GRID1: variants seen among roughly 807,000 people sequenced by gnomAD.
The protein encoded by GRID1 is glutamate ionotropic receptor delta type subunit 1, also known as glutamate receptor ionotropic, delta-1.
GRID1 carries 28 observed loss-of-function variants against 98.0 expected under a neutral mutation model. That is an observed-to-expected ratio of 0.29 (90% CI 0.21 to 0.39). The LOEUF is 0.39. Among genes scored for constraint, GRID1 ranks in the 10% least tolerant of loss-of-function variants. The pLI is 1.00. For synonymous variants in GRID1, 553 were observed against 538.5 expected (o/e 1.03, Z -0.37); for missense variants, 1,111 against 1,340.5 (o/e 0.83, Z 2.67).
chr10:86,274,188 G>A (rs1406324080), intron 2 of GRID1, among the ~76,000 whole-genome samples: 1 of 152,144 alleles, frequency 6.6e-6, no homozygotes, highest in Non-Finnish European at 1.5e-5. Context: ...CCCATTGCTT[G>A]TTTTTCTCAG....
intron 8 of GRID1, among the ~76,000 whole-genome samples, chr10:85,846,726 C>G (rs945021403): frequency 6.6e-6 from 1 of 152,014 alleles, no homozygotes; most frequent in African/African-American, 2.4e-5. Context: ...ATGTCAACAG[C>G]TCAGTATTTT....
At chr10:86,289,147 T>C (rs1847476393) in intron 2 of GRID1, among the ~76,000 whole-genome samples, 1 of 152,170 alleles carries the variant, frequency 6.6e-6, no homozygotes, top group Non-Finnish European at 1.5e-5. Flanking sequence ...CCCCCAGTGC[T>C]GGTTGGGAGA....
intron 2 of GRID1, among the ~76,000 whole-genome samples, chr10:86,213,669 C>T (rs1032902235): frequency 1.3e-5 from 2 of 152,092 alleles, no homozygotes; most frequent in Admixed American, 6.5e-5. Flanking sequence ...CCCCACTGAA[C>T]ACTAAGCCCG....
At chr10:86,034,543 T>C (rs1300631202) in intron 4 of GRID1, among the ~76,000 whole-genome samples, 1 of 152,006 alleles carries the variant, frequency 6.6e-6, no homozygotes, top group Non-Finnish European at 1.5e-5. Context: ...AGAATTCAAA[T>C]CCATTTCTGA....
chr10:85,834,722 C>A (rs991024477), intron 8 of GRID1, among the ~76,000 whole-genome samples: 2 of 152,100 alleles, frequency 1.3e-5, no homozygotes, highest in Non-Finnish European at 2.9e-5. Flanking sequence ...TGATAAGTCA[C>A]ATATGTGTAT....
chr10:86,072,900 A>C (rs754164992), intron 4 of GRID1, among the ~76,000 whole-genome samples: 23 of 152,370 alleles, frequency 1.5e-4, no homozygotes, highest in Non-Finnish European at 5.9e-5. Context: ...GGTGAGATGA[A>C]ATGCTTTTTA....
At chr10:86,014,684 A>G (rs1842959697) in intron 4 of GRID1, among the ~76,000 whole-genome samples, 1 of 152,224 alleles carries the variant, frequency 6.6e-6, no homozygotes, top group Non-Finnish European at 1.5e-5. Context: ...CCATAGCACT[A>G]CAATTACACT....
At chr10:86,215,254 T>C (rs1262211798) in intron 2 of GRID1, among the ~76,000 whole-genome samples, 1 of 152,198 alleles carries the variant, frequency 6.6e-6, no homozygotes, top group Non-Finnish European at 1.5e-5. Context: ...CGAATGGTCC[T>C]GAGGAATGAC....
At chr10:85,817,245 T>C (rs1210360593) in intron 8 of GRID1, among the ~76,000 whole-genome samples, 2 of 152,158 alleles carry the variant, frequency 1.3e-5, no homozygotes, top group Non-Finnish European at 2.9e-5. Flanking sequence ...GGTCGAATGG[T>C]AATTCTGTTT....
At chr10:86,031,825 G>A (rs1843189604) in intron 4 of GRID1, among the ~76,000 whole-genome samples, 1 of 152,118 alleles carries the variant, frequency 6.6e-6, no homozygotes, top group Admixed American at 6.5e-5. Flanking sequence ...AGCCCTACCT[G>A]ACCTGTTGCT....
chr10:86,282,146 G>T (rs778025434), intron 2 of GRID1, among the ~76,000 whole-genome samples: 6 of 152,202 alleles, frequency 3.9e-5, no homozygotes, highest in African/African-American at 1.4e-4. Context: ...CATGGCTACT[G>T]GAAGAATGAA....
rs776445626 is a variant in GRID1, at chr10:86,366,092, G to A, written c.79+222C>T. ...CCCTAAGTGTCGGTAGAGGCCGCGG[G>A]GCCCCGCGCGGAGATCGGAGCCCCG... On this transcript the variant is annotated intron_variant, in intron 1 of 15. Transcript: ENST00000327946. This position sits in a 1 kb window ranked among gnomAD's most constrained non-coding sequence, Gnocchi z 4.1. Among the ~76,000 whole-genome samples, 1 of 152,082 alleles carries A rather than the reference G, an allele frequency of 6.6e-6. No homozygotes were observed. Among genetic ancestry groups the A allele is most frequent in the East Asian group, 2.0e-4 (1 of 5,122 alleles).
intron 4 of GRID1, among the ~76,000 whole-genome samples, chr10:86,107,176 C>G (rs1280786268): frequency 1.3e-5 from 2 of 152,246 alleles, no homozygotes; most frequent in Non-Finnish European, 2.9e-5. Context: ...AGCGCTTTGC[C>G]TTAGGTGGCA....
At chr10:86,297,032 G>A (rs1847603772) in intron 2 of GRID1, among the ~76,000 whole-genome samples, 1 of 152,070 alleles carries the variant, frequency 6.6e-6, no homozygotes, top group Non-Finnish European at 1.5e-5. Context: ...GAAAATAACT[G>A]TTCCCAGATG....
intron 12 of GRID1, among the ~76,000 whole-genome samples, chr10:85,658,822 A>G (rs1296224865): frequency 6.6e-6 from 1 of 152,212 alleles, no homozygotes; most frequent in African/African-American, 2.4e-5. Context: ...ATAACATTGC[A>G]TTGTTTAAAT....
In GRID1 at chr10:85,731,575, T is replaced by G. The variant is rs902378846; in HGVS notation, c.1234-1961A>C. 4.0e-5 allele frequency among the ~76,000 whole-genome samples: 6 copies of G among 150,142 alleles called. No individual in the cohort carries two copies. The South Asian group carries it at 1.3e-3, about 32-fold the overall frequency. On this transcript the variant is annotated intron_variant, in intron 8 of 15. Transcript: ENST00000327946. ...CAGCATTTCGGGAGGCCAAGGTGGGTGGATCGCTTGAGTCCAGGAGTTCAA... is the reference window on the plus strand; with the variant it reads ...CAGCATTTCGGGAGGCCAAGGTGGGGGGATCGCTTGAGTCCAGGAGTTCAA...
chr10:85,952,652 A>G (rs907429249), intron 4 of GRID1, among the ~76,000 whole-genome samples: 1 of 152,180 alleles, frequency 6.6e-6, no homozygotes, highest in Non-Finnish European at 1.5e-5. Context: ...AGAGAGAAAA[A>G]ATAAAGAAAA....
Position 86,171,285 on chromosome 10 carries a change from C to T in GRID1, c.521-32261G>A, listed in dbSNP as rs529530713. ...GGGAAGGGACCTGGGGCAATAGAAG[C>T]GTTTCTGCCTCCAGCCCAGGGATTT... On this transcript the variant is annotated intron_variant, in intron 3 of 15. Coordinates refer to ENST00000327946, the MANE Select transcript of GRID1 (RefSeq NM_017551.3). Among the ~76,000 whole-genome samples the T allele has an allele frequency of 2.0e-5, 3 of 152,336 alleles. No individual in the cohort carries two copies. In the South Asian group the frequency reaches 6.2e-4, roughly 32 times the overall value.
At chr10:86,295,257 G>A (rs776939060) in intron 2 of GRID1, among the ~76,000 whole-genome samples, 8 of 152,202 alleles carry the variant, frequency 5.3e-5, no homozygotes, top group African/African-American at 4.8e-5. Context: ...GTGTCCTTAT[G>A]AGCAGATGGA....
Sources: gnomAD v4.1 joint callset for allele counts (sites outside exome capture counted in the v4.1 genomes callset) on GRCh38, gnomAD v4.1.1 for gene constraint, Gnocchi (gnomAD v3.1) non-coding constraint, MANE v1.5 for transcripts, NCBI Gene and HGNC (gene_info 2026-07-23, HGNC 2026-07-21) for gene names.